Variants in SLC12A7 observed in about 807,000 individuals in gnomAD.
SLC12A7 encodes solute carrier family 12 member 7.
SLC12A7 carries 100 observed loss-of-function variants against 120.6 expected under a neutral mutation model. The observed-to-expected ratio is 0.83, with a 90% CI of 0.71 to 0.98. SLC12A7 has a LOEUF of 0.98. SLC12A7 is among the 50% of genes least tolerant of loss of function. SLC12A7 has a pLI of 0.00. For missense variants in SLC12A7, 1,373 were observed against 1,548.1 expected, an observed-to-expected ratio of 0.89 and a Z score of 1.90; for synonymous variants, 760 against 678.0, an observed-to-expected ratio of 1.12 and a Z score of -1.88.
chr5:1,067,293 AG>A (rs1324964178), intron 17 of SLC12A7, among the ~76,000 whole-genome samples: 2 of 152,238 alleles, frequency 1.3e-5, no homozygotes, highest in Non-Finnish European at 2.9e-5. Flanking sequence ...GGGGCCCCAG[AG>A]AGGCAGAGAC....
chr5:1,132,302 A>T, the SLC12A7 span, among the ~76,000 whole-genome samples: 1 of 152,150 alleles, frequency 6.6e-6, no homozygotes, highest in South Asian at 2.1e-4. Context: ...AGTTCTGGGA[A>T]TTTTGCACCC....
intron 1 of SLC12A7, among the ~76,000 whole-genome samples, chr5:1,097,970 G>A (rs956531400): frequency 6.6e-6 from 1 of 151,996 alleles, no homozygotes; most frequent in Non-Finnish European, 1.5e-5. Flanking sequence ...AAACAGCCAG[G>A]TCAGACCTGA....
intron 1 of SLC12A7, among the ~76,000 whole-genome samples, chr5:1,094,482 G>A (rs1014619456): frequency 2.0e-5 from 3 of 152,128 alleles, no homozygotes; most frequent in Admixed American, 2.0e-4. Flanking sequence ...GCCCCAATGC[G>A]CAAGCTATCC....
At chr5:1,077,610 C>A (rs899745802) in intron 12 of SLC12A7, among the ~76,000 whole-genome samples, 3 of 152,182 alleles carry the variant, frequency 2.0e-5, no homozygotes, top group Non-Finnish European at 2.9e-5. Context: ...CACCCGGGGC[C>A]GAGCTCGGAG....
chr5:1,057,760 C>G, intron 21 of SLC12A7, 111 bp from the exon 22 acceptor site: 1 of 1,070,666 alleles, frequency 9.3e-7, no homozygotes, highest in Non-Finnish European at 1.3e-6. Context: ...CTGAAGGGCC[C>G]TGTGTGCCTG....
chr5:1,107,340 C>A (rs912353474), intron 1 of SLC12A7, among the ~76,000 whole-genome samples: 9 of 152,242 alleles, frequency 5.9e-5, no homozygotes, highest in Non-Finnish European at 1.2e-4. Flanking sequence ...ATCCCCCATG[C>A]AGGAGCCTGG....
At chr5:1,089,184 C>T (rs1464427273) in intron 3 of SLC12A7, 56 bp from the exon 4 acceptor site, 4 of 1,579,736 alleles carry the variant, frequency 2.5e-6, no homozygotes, top group Non-Finnish European at 3.4e-6. Context: ...AGAGGGAGCC[C>T]CCTCCCCAGG....
intron 1 of SLC12A7, among the ~76,000 whole-genome samples, chr5:1,103,107 C>T (rs1048379087): frequency 3.3e-5 from 5 of 152,184 alleles, no homozygotes; most frequent in Non-Finnish European, 7.3e-5. Flanking sequence ...GAAACTGAGG[C>T]TCTCAAGGGG....
Position 1,085,003 on chromosome 5 carries a change from A to G in SLC12A7, c.917+229T>C, listed in dbSNP as rs112372577. ...CCCCTCACCAGCCCTCCTGCCACTG[A>G]GGAGGGTCTTCATGCTCAGACCCGG... is the stretch of plus-strand genomic sequence containing the variant. On this transcript the variant is annotated intron_variant, in intron 7 of 23. Coordinates refer to ENST00000264930, the MANE Select transcript of SLC12A7 (RefSeq NM_006598.3). Among the ~76,000 whole-genome samples the G allele has an allele frequency of 6.9e-4, 105 of 152,324 alleles. 2 individuals are homozygous for G. The highest frequency in any genetic ancestry group is 2.5e-3 in the African/African-American group (102 of 41,590).
chr5:1,092,392 G>T (rs1005299379), intron 3 of SLC12A7, among the ~76,000 whole-genome samples: 6 of 152,154 alleles, frequency 3.9e-5, no homozygotes, highest in African/African-American at 1.4e-4. Context: ...GAGGTCACAC[G>T]CAGCAGGGGG....
chr5:1,106,314 G>A lies in SLC12A7; in HGVS notation c.124+5554C>T, dbSNP rs559506428. ...CTATAAATATAAAACTTAGCCAGGC[G>A]CGGTGGTGCGTGCCTGTGGTCCCCG... On this transcript the variant is annotated intron_variant, in intron 1 of 23. Transcript: ENST00000264930. Among the ~76,000 whole-genome samples, 8 of 152,304 alleles carry A rather than the reference G, an allele frequency of 5.3e-5. No individual in the cohort carries two copies. The South Asian group carries it at 6.2e-4, about 12-fold the overall frequency.
chr5:1,107,702 G>T (rs1477549068), intron 1 of SLC12A7, among the ~76,000 whole-genome samples: 1 of 152,206 alleles, frequency 6.6e-6, no homozygotes, highest in Non-Finnish European at 1.5e-5. Flanking sequence ...CGCACTCTAA[G>T]AAGGGGATCT....
chr5:1,112,101 C>G, upstream of SLC12A7: 1 of 1,142,604 alleles, frequency 8.8e-7, no homozygotes, highest in East Asian at 3.6e-5. Flanking sequence ...CCGCCCCGCC[C>G]CGCCCGGGCC....
At chr5:1,154,793 G>A in the SLC12A7 span, among the ~76,000 whole-genome samples, 3 of 152,156 alleles carry the variant, frequency 2.0e-5, no homozygotes, top group Non-Finnish European at 2.9e-5. Flanking sequence ...CCTCATCCCC[G>A]GCCCCTCACA....
chr5:1,065,976 G>C (rs1215254950), intron 17 of SLC12A7, among the ~76,000 whole-genome samples: 2 of 152,158 alleles, frequency 1.3e-5, no homozygotes, highest in Non-Finnish European at 2.9e-5. Flanking sequence ...GTTGGAGGGG[G>C]TCACTGCTGT....
At chr5:1,057,185 C>G in intron 22 of SLC12A7, 1 of 408,114 alleles carries the variant, frequency 2.5e-6, no homozygotes, top group Admixed American at 4.3e-5. Flanking sequence ...GCGCTTGGCA[C>G]TAGAAGGACC....
At chr5:1,102,147 G>A (rs1291397471) in intron 1 of SLC12A7, among the ~76,000 whole-genome samples, 2 of 152,216 alleles carry the variant, frequency 1.3e-5, no homozygotes, top group Non-Finnish European at 2.9e-5. Flanking sequence ...GAGGGAAGGA[G>A]GCGGCTGCAG....
rs373255349 is a variant in SLC12A7, at chr5:1,064,638, CA to C, written c.2438-387del. Among the ~76,000 whole-genome samples the C allele has an allele frequency of 4.2e-3, 631 of 151,662 alleles. 8 individuals are homozygous for C. The highest frequency in any genetic ancestry group is 0.015 in the African/African-American group (609 of 41,362). ...GGACGTTGAGGGGACAGCGAGGAGA[CA>C]GAGGGGACGGCGAGGAGACAGTGAA... On this transcript the variant is annotated intron_variant, in intron 18 of 23. Coordinates refer to ENST00000264930, the MANE Select transcript of SLC12A7 (RefSeq NM_006598.3).
the SLC12A7 span, among the ~76,000 whole-genome samples, chr5:1,131,399 T>C: frequency 6.6e-6 from 1 of 152,178 alleles, no homozygotes; most frequent in Non-Finnish European, 1.5e-5. Flanking sequence ...CCGGTATTGG[T>C]GCAACAGGCA....
Sources: allele counts gnomAD v4.1 joint callset (sites outside exome capture counted in the v4.1 genomes callset), GRCh38; gene constraint gnomAD v4.1.1; transcripts MANE v1.5; gene names NCBI Gene and HGNC (gene_info 2026-07-23, HGNC 2026-07-21).